The following TENM2 variants were observed in gnomAD, a reference collection of about 807,000 sequenced individuals.
The protein encoded by TENM2 is teneurin transmembrane protein 2, also known as teneurin-2.
TENM2 carries 52 observed loss-of-function variants against 245.2 expected under a neutral mutation model. That is an observed-to-expected ratio of 0.21 (90% CI 0.17 to 0.27). The LOEUF is 0.27. Among genes scored for constraint, TENM2 ranks in the 10% least tolerant of loss-of-function variants. The probability of loss-of-function intolerance (pLI) is 1.00; values close to 1 mark genes in which losing one functional copy is unlikely to be tolerated. For missense variants in TENM2, 3,046 were observed against 3,666.8 expected (o/e 0.83, Z 4.37); for synonymous variants, 1,363 against 1,438.9 (o/e 0.95, Z 1.19).
At chr5:167,406,225 T>G (rs968220225) in intron 2 of TENM2, among the ~76,000 whole-genome samples, 2 of 152,176 alleles carry the variant, frequency 1.3e-5, no homozygotes, top group African/African-American at 4.8e-5. Flanking sequence ...ATCCACCTTG[T>G]CAGTTCTCAT....
At chr5:167,959,224 T>G (rs1327515370) in intron 4 of TENM2, among the ~76,000 whole-genome samples, 1 of 150,012 alleles carries the variant, frequency 6.7e-6, no homozygotes, top group African/African-American at 2.5e-5. Context: ...AGATGGAGTC[T>G]CGCTCTGTCG....
chr5:168,260,759 G>A (rs762305430), intron 28 of TENM2, among the ~76,000 whole-genome samples: 6 of 152,058 alleles, frequency 3.9e-5, no homozygotes, highest in Non-Finnish European at 4.4e-5. Context: ...GCTTTTATGG[G>A]ATGTCATAAA....
At chr5:168,062,422 C>T (rs80299701) in intron 7 of TENM2, among the ~76,000 whole-genome samples, 157 bp downstream of exon 9, 15 of 152,124 alleles carry the variant, frequency 9.9e-5, no homozygotes, top group Non-Finnish European at 1.8e-4. Flanking sequence ...AACCCTTGTA[C>T]ATTGCTGGTG....
intron 2 of TENM2, among the ~76,000 whole-genome samples, chr5:167,629,481 A>G (rs542714986): frequency 6.6e-6 from 1 of 152,344 alleles, no homozygotes; most frequent in Admixed American, 6.5e-5. Flanking sequence ...CCATGTTGGT[A>G]CATATTTTCC....
intron 2 of TENM2, among the ~76,000 whole-genome samples, chr5:167,692,135 G>T (rs1027281985): frequency 6.6e-6 from 1 of 151,988 alleles, no homozygotes; most frequent in Non-Finnish European, 1.5e-5. Context: ...ATGTCTACTT[G>T]CTTAGTGCTG....
intron 18 of TENM2, 60 bp downstream of exon 20, chr5:168,203,892 C>T (rs1762136161): frequency 6.7e-7 from 1 of 1,498,326 alleles, no homozygotes; most frequent in African/African-American, 1.4e-5. Flanking sequence ...AACCTTGTCT[C>T]TAGCCTCAGC....
intron 13 of TENM2, among the ~76,000 whole-genome samples, chr5:168,182,921 C>T (rs1474514161): frequency 6.6e-6 from 1 of 151,612 alleles, no homozygotes; most frequent in Non-Finnish European, 1.5e-5. Flanking sequence ...ACCTCCGCCT[C>T]CCGCGTTCAA....
At chr5:168,157,902 GTTGT>G (rs1293579160) in intron 12 of TENM2, among the ~76,000 whole-genome samples, 1 of 152,074 alleles carries the variant, frequency 6.6e-6, no homozygotes, top group Non-Finnish European at 1.5e-5. Context: ...GGTGTGGGTT[GTTGT>G]TTGTTGTTGT....
At chr5:167,746,710 A>AGAGAGAGAGAGAGC (rs761614775) in intron 2 of TENM2, among the ~76,000 whole-genome samples, 1,554 of 144,822 alleles carry the variant, frequency 0.011, 36 homozygotes, top group African/African-American at 0.033. Flanking sequence ...AGAGAGAGAG[A>AGAGAGAGAGAGAGC]GAGAGCTGGA....
At chr5:168,002,990 G>A (rs954967425) in intron 5 of TENM2, among the ~76,000 whole-genome samples, 1 of 152,114 alleles carries the variant, frequency 6.6e-6, no homozygotes, top group Non-Finnish European at 1.5e-5. Flanking sequence ...AAAAAGCCTG[G>A]GGTAAGTTGT....
intron 1 of TENM2, among the ~76,000 whole-genome samples, chr5:167,361,639 A>G (rs1337555794): frequency 6.6e-6 from 1 of 152,210 alleles, no homozygotes; most frequent in African/African-American, 2.4e-5. Context: ...CTTTTGTAAT[A>G]AGCAGTATAT....
chr5:167,253,176 C>T, the TENM2 span, among the ~76,000 whole-genome samples: 2 of 151,724 alleles, frequency 1.3e-5, no homozygotes, highest in Non-Finnish European at 2.9e-5. Context: ...GTGCAGCCTC[C>T]ACCTCCCAGG....
chr5:167,900,581 T>C (rs1189465298), intron 3 of TENM2, among the ~76,000 whole-genome samples: 1 of 152,150 alleles, frequency 6.6e-6, no homozygotes. Context: ...AAGTTGGCTG[T>C]GAGAATTCAT....
the TENM2 span, among the ~76,000 whole-genome samples, chr5:167,070,628 A>G: frequency 6.6e-6 from 1 of 152,082 alleles, no homozygotes; most frequent in Admixed American, 6.6e-5. Context: ...TATTATTATT[A>G]TTGTTATTAT....
intron 8 of TENM2, among the ~76,000 whole-genome samples, chr5:168,095,764 T>C (rs1793314417): frequency 6.6e-6 from 1 of 152,200 alleles, no homozygotes; most frequent in South Asian, 2.1e-4. Flanking sequence ...TCTGAGATCT[T>C]ACCCTAATTG....
rs77855722 is a variant in TENM2, at chr5:167,336,467, G to T, written c.227-38731G>T. Among the ~76,000 whole-genome samples, 33 of 151,714 alleles carry T rather than the reference G, an allele frequency of 2.2e-4. 1 individual carries two copies. The East Asian group carries it at 6.0e-3, about 28-fold the overall frequency. On this transcript the variant is annotated intron_variant, in intron 1 of 28. Transcript: ENST00000518659. ...GGATGGATACTGAAGAGGCTCAGTAGGCTGAATGTGAAGAAAGTTGAAGAA... is the reference window on the plus strand; with the variant it reads ...GGATGGATACTGAAGAGGCTCAGTATGCTGAATGTGAAGAAAGTTGAAGAA...
At chr5:168,253,713 C>A (rs1318462350) in intron 27 of TENM2, among the ~76,000 whole-genome samples, 1 of 152,216 alleles carries the variant, frequency 6.6e-6, no homozygotes, top group Non-Finnish European at 1.5e-5. Context: ...GCGTGAGCCA[C>A]CGCGCCTGGC....
At chr5:167,341,993 G>A (rs1333233664) in intron 1 of TENM2, among the ~76,000 whole-genome samples, 1 of 152,116 alleles carries the variant, frequency 6.6e-6, no homozygotes, top group East Asian at 1.9e-4. Context: ...GAAAGTTTTA[G>A]ATGTACAGAA....
At chr5:167,750,966 C>G (rs951648660) in intron 2 of TENM2, among the ~76,000 whole-genome samples, 2 of 152,032 alleles carry the variant, frequency 1.3e-5, no homozygotes, top group Non-Finnish European at 2.9e-5. Context: ...ATCAGGAGGA[C>G]CTGACTTGCA....
Sources: gnomAD v4.1 joint callset for allele counts (sites outside exome capture counted in the v4.1 genomes callset) on GRCh38, gnomAD v4.1.1 for gene constraint, MANE v1.5 for transcripts, NCBI Gene and HGNC (gene_info 2026-07-23, HGNC 2026-07-21) for gene names.